The following RAB11FIP4 variants were observed in gnomAD, a reference collection of about 807,000 sequenced individuals.
The protein encoded by RAB11FIP4 is rab11 family-interacting protein 4.
RAB11FIP4 carries 23 observed loss-of-function variants against 74.3 expected under a neutral mutation model. That is an observed-to-expected ratio of 0.31 (90% CI 0.22 to 0.44). RAB11FIP4 has a LOEUF of 0.44. Among genes scored for constraint, RAB11FIP4 ranks in the 20% least tolerant of loss-of-function variants. The pLI, the probability that RAB11FIP4 is intolerant of heterozygous loss-of-function variation, is 1.00. For missense variants in RAB11FIP4, 630 were observed against 863.9 expected (o/e 0.73, Z 3.39); for synonymous variants, 360 against 359.9 (o/e 1.00, Z 0.00).
chr17:31,478,356 ATTGT>A (rs2071815505), intron 3 of RAB11FIP4, among the ~76,000 whole-genome samples: 1 of 152,128 alleles, frequency 6.6e-6, no homozygotes, highest in Admixed American at 6.5e-5. Context: ...AGCCTGGTGC[ATTGT>A]TTGCCCAGGT....
chr17:31,400,613 G>A (rs373827355), intron 1 of RAB11FIP4, among the ~76,000 whole-genome samples: 6 of 152,380 alleles, frequency 3.9e-5, no homozygotes, highest in East Asian at 1.9e-4. Context: ...GGTGATGGGC[G>A]CTGGGGGCCA....
intron 1 of RAB11FIP4, among the ~76,000 whole-genome samples, chr17:31,409,248 C>G (rs1217030730): frequency 6.6e-6 from 1 of 152,112 alleles, no homozygotes; most frequent in Non-Finnish European, 1.5e-5. Context: ...AGGTTTAGGT[C>G]AATATTCTTT....
At position 31,391,958 on chromosome 17, in the gene RAB11FIP4, C is replaced by G; in HGVS notation, c.106C>G (p.Leu36Val). Residue 36 changes from leucine to valine, a missense_variant, in exon 1 of 15, where the codon CTG becomes GTG. Coordinates refer to ENST00000621161, the MANE Select transcript of RAB11FIP4 (RefSeq NM_032932.6). ...GTGCGGCCGCGACCCCGACGGCTTC[C>G]TGCGCGTGGAGCGCGTCGCGGCGCT... The part of the protein sequence containing the change: ...EVCGRDPDGF[L>V]RVERVAALGL... 1 of 1,383,426 alleles carries G rather than the reference C, an allele frequency of 7.2e-7. No homozygotes were observed. The highest frequency in any genetic ancestry group is 9.4e-7 in the Non-Finnish European group (1 of 1,065,422). The allele number at this position is 1,383,426 out of a possible 1,614,324, so 85.7% of individuals were successfully genotyped here. A position where few individuals can be genotyped will look rare whatever the true frequency, so the allele number is the denominator to read the frequency against.
chr17:31,392,626 G>T (rs2070885760), intron 1 of RAB11FIP4: 1 of 152,362 alleles, frequency 6.6e-6, no homozygotes. Flanking sequence ...CAGGCTCGGG[G>T]AGTGGTGGCT....
chr17:31,521,419 C>T, intron 5 of RAB11FIP4, 59 bp downstream of exon 5: 5 of 1,478,886 alleles, frequency 3.4e-6, no homozygotes, highest in Middle Eastern at 1.8e-4. Flanking sequence ...AATTTAAGCA[C>T]ATCCTAGGGG....
At chr17:31,411,394 C>A (rs1195986788) in intron 1 of RAB11FIP4, among the ~76,000 whole-genome samples, 1 of 152,062 alleles carries the variant, frequency 6.6e-6, no homozygotes, top group African/African-American at 2.4e-5. Flanking sequence ...ACAAACAAAA[C>A]AACCTCGCTT....
chr17:31,426,865 G>T (rs1216762014), intron 1 of RAB11FIP4, among the ~76,000 whole-genome samples: 1 of 152,102 alleles, frequency 6.6e-6, no homozygotes, highest in Admixed American at 6.5e-5. Flanking sequence ...CTCCCAAAGT[G>T]CTGGGATTAC....
At chr17:31,443,787 T>C (rs2071426747) in intron 3 of RAB11FIP4, among the ~76,000 whole-genome samples, 1 of 152,172 alleles carries the variant, frequency 6.6e-6, no homozygotes, top group African/African-American at 2.4e-5. Flanking sequence ...TGATGGGGCA[T>C]GCCTGTAATC....
chr17:31,530,272 G>A (rs900641479), intron 13 of RAB11FIP4, 54 bp from the exon 14 acceptor site: 2 of 1,599,302 alleles, frequency 1.3e-6, no homozygotes, highest in Non-Finnish European at 1.7e-6. Flanking sequence ...GTGGGTTCCA[G>A]TGGGCTGTGG....
intron 1 of RAB11FIP4, chr17:31,431,533 C>A: frequency 2.7e-6 from 1 of 370,926 alleles, no homozygotes; most frequent in Non-Finnish European, 4.8e-6. Flanking sequence ...TTTCATTGTG[C>A]AGTCCCTGGG....
intron 1 of RAB11FIP4, among the ~76,000 whole-genome samples, chr17:31,403,607 C>T (rs1474098931): frequency 6.6e-6 from 1 of 152,150 alleles, no homozygotes. Context: ...CAGGCATGAG[C>T]CACCGCGCCC....
chr17:31,526,226 G>A (rs1016141036), intron 10 of RAB11FIP4: 1 of 152,240 alleles, frequency 6.6e-6, no homozygotes, highest in African/African-American at 2.4e-5. Context: ...AGCCCGCCTC[G>A]GCAGCTGGCC....
intron 1 of RAB11FIP4, among the ~76,000 whole-genome samples, chr17:31,395,984 C>G (rs1455609630): frequency 1.3e-5 from 2 of 151,766 alleles, no homozygotes; most frequent in Non-Finnish European, 1.5e-5. Flanking sequence ...GAGTTCCACA[C>G]CAGCCTGGGT....
intron 1 of RAB11FIP4, among the ~76,000 whole-genome samples, chr17:31,424,699 C>A (rs2071231644): frequency 6.6e-6 from 1 of 152,028 alleles, no homozygotes; most frequent in Non-Finnish European, 1.5e-5. Context: ...CCTCAGCCTC[C>A]CAAGCAGCTG....
intron 3 of RAB11FIP4, among the ~76,000 whole-genome samples, chr17:31,451,146 G>A (rs978505270): frequency 1.3e-5 from 2 of 152,056 alleles, no homozygotes; most frequent in South Asian, 2.1e-4. Context: ...ATATGACACC[G>A]GAGTGTTCTT....
At chr17:31,514,713 C>T (rs1416527767) in intron 3 of RAB11FIP4, among the ~76,000 whole-genome samples, 1 of 152,208 alleles carries the variant, frequency 6.6e-6, no homozygotes, top group Non-Finnish European at 1.5e-5. Flanking sequence ...AAAGAACAGA[C>T]CAGGCGCATT....
At chr17:31,511,130 C>G (rs1322034260) in intron 3 of RAB11FIP4, among the ~76,000 whole-genome samples, 1 of 152,122 alleles carries the variant, frequency 6.6e-6, no homozygotes, top group Non-Finnish European at 1.5e-5. Flanking sequence ...ACAGTTAACT[C>G]CATTTTATAG....
Position 31,517,838 on chromosome 17 carries a change from A to C in RAB11FIP4, c.524A>C (p.Lys175Thr), listed in dbSNP as rs943529128. 1 of 1,551,820 alleles carries C rather than the reference A, an allele frequency of 6.4e-7. No individual in the cohort carries two copies. Reference sequence around the variant, plus strand: ...GGGTCTGTCGGGAGTCCTGCCGAGAAGGACGGGGGACTTGGGGGCCTGTTT... The same window carrying C: ...GGGTCTGTCGGGAGTCCTGCCGAGACGGACGGGGGACTTGGGGGCCTGTTT... Reference protein sequence around the residue: ...LEGSVGSPAEKDGGLGGLFLP... With the variant: ...LEGSVGSPAETDGGLGGLFLP... Residue 175 changes from lysine (K) to threonine (T), a missense_variant, in exon 4 of 15, where the codon AAG becomes ACG. Physicochemically the swap from Lys to Thr is moderately conservative, Grantham distance 78. Transcript: ENST00000621161.
intron 1 of RAB11FIP4, among the ~76,000 whole-genome samples, chr17:31,404,845 G>T (rs2071028142): frequency 6.6e-6 from 1 of 152,136 alleles, no homozygotes; most frequent in South Asian, 2.1e-4. Flanking sequence ...AGCCTTTCTG[G>T]AGTGGGACTT....
Sources: allele counts gnomAD v4.1 joint callset (sites outside exome capture counted in the v4.1 genomes callset), GRCh38; gene constraint gnomAD v4.1.1; transcripts MANE v1.5; gene names NCBI Gene and HGNC (gene_info 2026-07-23, HGNC 2026-07-21).